Variants in PICALM observed in about 807,000 individuals in gnomAD.
PICALM encodes phosphatidylinositol binding clathrin assembly protein, also known as phosphatidylinositol-binding clathrin assembly protein.
A neutral mutation model predicts 80.5 loss-of-function variants in PICALM; 40 were observed. The observed-to-expected ratio is 0.50, with a 90% CI of 0.39 to 0.65. The LOEUF (loss-of-function observed/expected upper bound fraction) is 0.65, where lower values mean the gene tolerates loss of function less well. Ranked by LOEUF, PICALM falls within the 30% of genes least tolerant of loss-of-function variation. PICALM has a pLI of 0.00. For synonymous variants in PICALM, 288 were observed against 260.3 expected, an observed-to-expected ratio of 1.11 and a Z score of -1.02; for missense variants, 676 against 778.9, an observed-to-expected ratio of 0.87 and a Z score of 1.57.
chr11:86,024,743 TCA>T (rs2095623066), intron 3 of PICALM, among the ~76,000 whole-genome samples: 1 of 152,234 alleles, frequency 6.6e-6, no homozygotes, highest in South Asian at 2.1e-4. Context: ...TATATTCTAT[TCA>T]CATTCATTTG....
intron 1 of PICALM, among the ~76,000 whole-genome samples, chr11:86,050,204 CAAAA>C (rs766728047): frequency 1.2e-5 from 1 of 81,814 alleles, no homozygotes; most frequent in African/African-American, 5.3e-5. Context: ...GACTCTGTCT[CAAAA>C]AAAAAAAAAA....
chr11:86,057,703 G>A (rs553940473), intron 1 of PICALM, among the ~76,000 whole-genome samples: 28 of 152,090 alleles, frequency 1.8e-4, no homozygotes, highest in Non-Finnish European at 3.2e-4. Context: ...CTGAACATGC[G>A]CAGACATTTT....
chr11:85,999,137 G>A (rs616555), intron 11 of PICALM, among the ~76,000 whole-genome samples: 124,542 of 152,166 alleles, frequency 0.82, 51,171 homozygotes, highest in African/African-American at 0.89. Context: ...TAATACAATT[G>A]TTTTTAATTA....
At chr11:86,042,059 T>G (rs1376282565) in intron 1 of PICALM, among the ~76,000 whole-genome samples, 3 of 152,182 alleles carry the variant, frequency 2.0e-5, no homozygotes, top group Non-Finnish European at 2.9e-5. Flanking sequence ...TCTGGTAAAC[T>G]CTGCATTCCT....
At chr11:85,992,703 G>A (rs796078093) in intron 12 of PICALM, among the ~76,000 whole-genome samples, 3 of 152,276 alleles carry the variant, frequency 2.0e-5, no homozygotes, top group African/African-American at 7.2e-5. Context: ...CATGAAATAC[G>A]TAATTTTTTA....
At chr11:86,049,886 G>T (rs1295820452) in intron 1 of PICALM, among the ~76,000 whole-genome samples, 1 of 151,308 alleles carries the variant, frequency 6.6e-6, no homozygotes, top group Non-Finnish European at 1.5e-5. Flanking sequence ...CTACATATTG[G>T]ACACAACTAA....
At chr11:85,960,586 G>A in intron 19 of PICALM, 1 of 534,030 alleles carries the variant, frequency 1.9e-6, no homozygotes, top group Non-Finnish European at 3.3e-6. Context: ...GTCCTTTAAA[G>A]AAATGAAAGA....
chr11:86,011,100 T>A lies in PICALM; in HGVS notation c.695A>T (p.Glu232Val). ...GAACTTCTTATAGATGTCAAGACCT[T>A]CTTTGCATTGGTTCTTTTTCATATC... ...YFDMKKNQCK[E>V]GLDIYKKFLT... Residue 232 changes from glutamate (E) to valine (V), a missense_variant, in exon 7 of 20, where the codon GAA becomes GTA. Transcript: ENST00000393346. The A allele has an allele frequency of 6.6e-7, 1 of 1,513,006 alleles. No homozygotes were observed. Among genetic ancestry groups the A allele is most frequent in the Non-Finnish European group, 9.1e-7 (1 of 1,101,276 alleles). The allele number at this position is 1,513,006 out of a possible 1,614,324, so 93.7% of individuals were successfully genotyped here.
At chr11:85,989,977 T>A (rs952731829) in intron 13 of PICALM, among the ~76,000 whole-genome samples, 1 of 136,894 alleles carries the variant, frequency 7.3e-6, no homozygotes, top group Non-Finnish European at 1.5e-5. Flanking sequence ...AGCTAGAGTA[T>A]TGCACTATAA....
intron 3 of PICALM, among the ~76,000 whole-genome samples, chr11:86,024,293 T>A (rs972905017): frequency 6.6e-6 from 1 of 151,940 alleles, no homozygotes; most frequent in Non-Finnish European, 1.5e-5. Flanking sequence ...TACATATAGA[T>A]TACTGGTCTT....
In PICALM at chr11:86,001,041, A is replaced by G; in HGVS notation, c.1011T>C (p.Ala337=). The part of the protein sequence containing the change: ...ALEEEQARLK[A]LKEQRLKELA... ...GGAGAATGCACAAACTTACCTTTAA[A>G]GCTTTCAAACGTGCCTGTTCTTCCT... is the stretch of plus-strand genomic sequence containing the variant. Residue 337 remains alanine, a synonymous_variant, in exon 10 of 20, where the codon GCT becomes GCC. Transcript: ENST00000393346. 6.2e-7 allele frequency: 1 copy of G among 1,614,070 alleles called. No homozygotes were observed. The highest frequency in any genetic ancestry group is 8.5e-7 in the Non-Finnish European group (1 of 1,179,960).
intron 19 of PICALM, among the ~76,000 whole-genome samples, chr11:85,964,936 T>A (rs891651945): frequency 1.3e-5 from 2 of 152,340 alleles, no homozygotes; most frequent in East Asian, 3.9e-4. Context: ...ACTGTCCTAT[T>A]TTTAAAAATT....
At chr11:85,974,864 G>A in intron 18 of PICALM, 52 bp from the exon 19 acceptor site, 2 of 1,213,572 alleles carry the variant, frequency 1.6e-6, no homozygotes, top group Non-Finnish European at 1.2e-6. Flanking sequence ...TCCTTATTGT[G>A]ACTAAGTAAA....
Position 86,022,495 on chromosome 11 carries a change from A to C in PICALM, c.350-26T>G, listed in dbSNP as rs768946453. 24 of 1,234,816 alleles carry C rather than the reference A, an allele frequency of 1.9e-5. No individual in the cohort carries two copies. The Middle Eastern group carries it at 7.7e-4, about 40-fold the overall frequency. 76.5% of individuals were successfully genotyped at this position (1,234,816 alleles called of 1,614,324 possible). On this transcript the variant is annotated intron_variant, in intron 3 of 19. Transcript: ENST00000393346. ...CTGTAAAAAAACAAAAACAAAAACAAAACAAAGAGAGAGACAAGTTTTTAT... is the reference window on the plus strand; with the variant it reads ...CTGTAAAAAAACAAAAACAAAAACACAACAAAGAGAGAGACAAGTTTTTAT...
At chr11:86,024,865 A>G (rs779708587) in intron 3 of PICALM, among the ~76,000 whole-genome samples, 1 of 151,954 alleles carries the variant, frequency 6.6e-6, no homozygotes, top group African/African-American at 2.4e-5. Context: ...GCTTAAGCCA[A>G]CTCATCTTCT....
At chr11:86,047,645 G>T (rs1244591286) in intron 1 of PICALM, among the ~76,000 whole-genome samples, 2 of 152,160 alleles carry the variant, frequency 1.3e-5, no homozygotes, top group African/African-American at 4.8e-5. Context: ...AGCAGAAGGG[G>T]TAAACTACGT....
At position 85,978,060 on chromosome 11, in the gene PICALM, G is replaced by C. The variant is rs193085915; in HGVS notation, c.1780-1378C>G. On this transcript the variant is annotated intron_variant, in intron 17 of 19. Transcript: ENST00000393346. ...ATTTATTGCAAAAAGGCTCGTTTTT[G>C]GTCACTTACGTATTGTGGAAAATGC... The C allele has an allele frequency of 7.9e-5, 127 of 1,610,750 alleles. 1 individual carries two copies. The East Asian group carries it at 2.7e-3, about 35-fold the overall frequency.
intron 12 of PICALM, among the ~76,000 whole-genome samples, chr11:85,993,948 G>C (rs1355727528): frequency 6.6e-6 from 1 of 151,688 alleles, no homozygotes; most frequent in Admixed American, 6.6e-5. Context: ...TCAAATTCTT[G>C]GGCTAACGCA....
intron 7 of PICALM, among the ~76,000 whole-genome samples, chr11:86,008,851 G>A (rs887556335): frequency 2.7e-5 from 4 of 150,184 alleles, no homozygotes; most frequent in Non-Finnish European, 5.9e-5. Flanking sequence ...AGCTCTCAGG[G>A]AGGCTAAGAG....
Sources: allele counts gnomAD v4.1 joint callset (sites outside exome capture counted in the v4.1 genomes callset), GRCh38; gene constraint gnomAD v4.1.1; transcripts MANE v1.5; gene names NCBI Gene and HGNC (gene_info 2026-07-23, HGNC 2026-07-21).